Variants in DYNC1LI1 observed in about 807,000 individuals in gnomAD.
DYNC1LI1 encodes cytoplasmic dynein 1 light intermediate chain 1.
A neutral mutation model predicts 63.8 loss-of-function variants in DYNC1LI1; 19 were observed. The ratio of observed to expected loss-of-function variants is 0.30; its 90% CI spans 0.21 to 0.44. The LOEUF (loss-of-function observed/expected upper bound fraction) is 0.44. Ranked by LOEUF, DYNC1LI1 falls within the 20% of genes least tolerant of loss-of-function variation. DYNC1LI1 has a pLI of 1.00. For missense variants in DYNC1LI1, 565 were observed against 630.2 expected (o/e 0.90, Z 1.11); for synonymous variants, 225 against 232.3 (o/e 0.97, Z 0.28).
chr3:32,565,313 A>G (rs572127398), intron 2 of DYNC1LI1, among the ~76,000 whole-genome samples: 1 of 152,356 alleles, frequency 6.6e-6, no homozygotes, highest in Admixed American at 6.5e-5. Flanking sequence ...ATGACTTGAC[A>G]AAGGACCACC....
intron 5 of DYNC1LI1, among the ~76,000 whole-genome samples, chr3:32,539,174 G>A (rs1017716919): frequency 1.2e-4 from 18 of 152,272 alleles, no homozygotes; most frequent in African/African-American, 4.3e-4. Flanking sequence ...TTTTAAGATA[G>A]TGTTTTACAG....
At chr3:32,546,492 T>C (rs1360244813) in intron 2 of DYNC1LI1, among the ~76,000 whole-genome samples, 1 of 152,174 alleles carries the variant, frequency 6.6e-6, no homozygotes, top group East Asian at 1.9e-4. Context: ...CCTATCCTAT[T>C]GCAAATGACT....
chr3:32,569,665 G>A (rs1249703519), intron 2 of DYNC1LI1, among the ~76,000 whole-genome samples: 9 of 152,028 alleles, frequency 5.9e-5, no homozygotes, highest in Non-Finnish European at 1.5e-5. Flanking sequence ...CACCCCCAGA[G>A]TCACTAAAGA....
intron 11 of DYNC1LI1, among the ~76,000 whole-genome samples, chr3:32,529,334 C>G (rs1013691411): frequency 6.6e-6 from 1 of 152,034 alleles, no homozygotes; most frequent in Non-Finnish European, 1.5e-5. Flanking sequence ...TATAACAAAA[C>G]TTTTATCATG....
At chr3:32,544,491 C>T (rs1175067716) in intron 4 of DYNC1LI1, among the ~76,000 whole-genome samples, 1 of 152,148 alleles carries the variant, frequency 6.6e-6, no homozygotes. Context: ...TAGTTACAGG[C>T]TGGGCCGGTG....
At chr3:32,539,051 T>C (rs1256492618) in intron 5 of DYNC1LI1, among the ~76,000 whole-genome samples, 5 of 152,136 alleles carry the variant, frequency 3.3e-5, no homozygotes, top group African/African-American at 1.2e-4. Flanking sequence ...CTGCTTTTCA[T>C]AAGGCAAGTA....
chr3:32,568,594 C>A (rs377150714), intron 2 of DYNC1LI1, among the ~76,000 whole-genome samples: 7 of 151,948 alleles, frequency 4.6e-5, no homozygotes, highest in East Asian at 3.9e-4. Flanking sequence ...CATGCACAGA[C>A]CCAGTGTCAA....
intron 4 of DYNC1LI1, among the ~76,000 whole-genome samples, chr3:32,542,483 C>T (rs546846592): frequency 5.3e-5 from 8 of 150,902 alleles, no homozygotes; most frequent in African/African-American, 1.7e-4. Context: ...ATCTCACTCA[C>T]TGCAACCCCC....
chr3:32,529,922 T>C (rs761970813), intron 10 of DYNC1LI1, among the ~76,000 whole-genome samples: 21 of 152,174 alleles, frequency 1.4e-4, no homozygotes, highest in Non-Finnish European at 2.4e-4. Context: ...GTTAGAAGCT[T>C]GGGAGTCAGA....
intron 6 of DYNC1LI1, among the ~76,000 whole-genome samples, chr3:32,535,265 G>T (rs192710918): frequency 6.6e-6 from 1 of 152,302 alleles, no homozygotes; most frequent in East Asian, 1.9e-4. Flanking sequence ...TTAAAGCAGA[G>T]CCTAACTTTG....
chr3:32,531,854 G>C (rs1007252578), intron 8 of DYNC1LI1: 1 of 152,080 alleles, frequency 6.6e-6, no homozygotes, highest in African/African-American at 2.4e-5. Flanking sequence ...AAATGCTTGC[G>C]ACCAGAAGTG....
chr3:32,537,197 C>T (rs1191987712), intron 5 of DYNC1LI1, 93 bp from the exon 6 acceptor site: 1 of 631,756 alleles, frequency 1.6e-6, no homozygotes, highest in East Asian at 3.2e-5. Flanking sequence ...AGGGGAACAT[C>T]ATAAAAGTAC....
intron 10 of DYNC1LI1, among the ~76,000 whole-genome samples, chr3:32,530,005 T>C (rs1425203236): frequency 2.6e-5 from 4 of 152,196 alleles, no homozygotes; most frequent in African/African-American, 9.7e-5. Flanking sequence ...CTCCCTAAGG[T>C]TCCCATTTCC....
chr3:32,551,192 G>A (rs1274717544), intron 2 of DYNC1LI1, among the ~76,000 whole-genome samples: 2 of 152,168 alleles, frequency 1.3e-5, no homozygotes, highest in African/African-American at 4.8e-5. Context: ...AAATCAGGAA[G>A]TCAGCCCAGA....
chr3:32,539,067 G>A (rs1037993005), intron 5 of DYNC1LI1, among the ~76,000 whole-genome samples: 1 of 152,116 alleles, frequency 6.6e-6, no homozygotes, highest in South Asian at 2.1e-4. Context: ...AAGTAGTGCT[G>A]ACGGAACCAA....
At chr3:32,570,524 T>G in intron 1 of DYNC1LI1, 101 bp downstream of exon 1, 1 of 1,478,564 alleles carries the variant, frequency 6.8e-7, no homozygotes, top group Non-Finnish European at 9.0e-7. Flanking sequence ...GGGAACGCAG[T>G]GGCCGGGCCC....
intron 2 of DYNC1LI1, among the ~76,000 whole-genome samples, chr3:32,569,986 G>A (rs1305152791): frequency 6.6e-6 from 1 of 152,216 alleles, no homozygotes; most frequent in African/African-American, 2.4e-5. Flanking sequence ...CTCGCAAAGA[G>A]CCTCCTGCTA....
chr3:32,530,146 C>A (rs1697675778), intron 10 of DYNC1LI1, 138 bp downstream of exon 10: 2 of 745,220 alleles, frequency 2.7e-6, no homozygotes, highest in South Asian at 2.3e-5. Flanking sequence ...CTTTTAAAAT[C>A]TCACAAATTA....
At chr3:32,528,805 T>C (rs1297136242) in intron 11 of DYNC1LI1, among the ~76,000 whole-genome samples, 1 of 152,158 alleles carries the variant, frequency 6.6e-6, no homozygotes, top group African/African-American at 2.4e-5. Flanking sequence ...ATTTAAAAAT[T>C]AGAATGTTAT....
Sources: allele counts gnomAD v4.1 joint callset (sites outside exome capture counted in the v4.1 genomes callset), GRCh38; gene constraint gnomAD v4.1.1; transcripts MANE v1.5; gene names NCBI Gene and HGNC (gene_info 2026-07-23, HGNC 2026-07-21).